NUFIP1: variants seen among roughly 807,000 people sequenced by gnomAD.
NUFIP1 encodes FMR1-interacting protein NUFIP1.
NUFIP1 carries 38 observed loss-of-function variants against 56.2 expected under a neutral mutation model. The observed-to-expected ratio is 0.68, with a 90% CI of 0.52 to 0.89. The LOEUF (loss-of-function observed/expected upper bound fraction) is 0.89. NUFIP1 is among the 40% of genes least tolerant of loss of function. The probability of loss-of-function intolerance (pLI) is 0.00; values close to 1 mark genes in which losing one functional copy is unlikely to be tolerated. For missense variants in NUFIP1, 567 were observed against 605.8 expected, an observed-to-expected ratio of 0.94 and a Z score of 0.67; for synonymous variants, 215 against 212.4, an observed-to-expected ratio of 1.01 and a Z score of -0.10.
chr13:44,956,882 G>C (rs1871264881), intron 7 of NUFIP1, among the ~76,000 whole-genome samples: 1 of 152,028 alleles, frequency 6.6e-6, no homozygotes, highest in East Asian at 1.9e-4. Flanking sequence ...AAGAACCCCT[G>C]GTCTAAAACA....
At position 44,989,428 on chromosome 13, in the gene NUFIP1, C is replaced by T; in HGVS notation, c.9G>A (p.Glu3=). Residue 3 remains glutamate (E), a synonymous_variant, in exon 1 of 10, where the codon GAG becomes GAA. Transcript: ENST00000379161. ...TAGGAGTCTCGAAATCACTAGTCGG[C>T]TCAGCCATACCACTGGCGGGTCCGG... MA[E]PTSDFETPIG... The T allele has an allele frequency of 6.2e-7, 1 of 1,613,420 alleles. No homozygotes were observed. The highest frequency in any genetic ancestry group is 8.5e-7 in the Non-Finnish European group (1 of 1,179,774).
chr13:44,989,211 C>A lies in NUFIP1; in HGVS notation c.226G>T (p.Gly76Trp), dbSNP rs773787265. The A allele has an allele frequency of 4.3e-6, 7 of 1,611,064 alleles. No homozygotes were observed. Among genetic ancestry groups the A allele is most frequent in the Non-Finnish European group, 5.9e-6 (7 of 1,178,754 alleles). ...QPPMEAQSLP[G>W]APPPFDAQIL... ...TGGGCGTCGAAGGGGGGCGGAGCCC[C>A]GGGGAGAGACTGGGCCTCCATGGGG... The change falls in exon 1 of 10, where the codon GGG becomes TGG. Residue 76 changes from glycine to tryptophan, a missense_variant. Physicochemically the swap from Gly to Trp is radical, Grantham distance 184. Coordinates refer to ENST00000379161, the MANE Select transcript of NUFIP1 (RefSeq NM_012345.3).
At chr13:44,971,228 C>T (rs1346235693) in intron 5 of NUFIP1, among the ~76,000 whole-genome samples, 2 of 152,188 alleles carry the variant, frequency 1.3e-5, no homozygotes, top group Admixed American at 6.5e-5. Flanking sequence ...AGCAACATCA[C>T]AGGTATAAAT....
chr13:44,976,473 TAAC>T lies in NUFIP1; in HGVS notation c.734+2714_734+2716del, dbSNP rs147233478. Among the ~76,000 whole-genome samples, 978 of 150,348 alleles carry T rather than the reference TAAC, an allele frequency of 6.5e-3. 29 individuals carry two copies. In the East Asian group the frequency reaches 0.071, roughly 11 times the overall value. ...GGAAGAGGAAGAAGAAAAAGAAGAA[TAAC>T]AACAACAAGAGGAGGAGGAAGAAGA... On this transcript the variant is annotated intron_variant, in intron 5 of 9. Coordinates refer to ENST00000379161, the MANE Select transcript of NUFIP1 (RefSeq NM_012345.3).
chr13:44,943,367 CACACACACA>C, intron 9 of NUFIP1, 66 bp downstream of exon 9: 1 of 1,254,566 alleles, frequency 8.0e-7, no homozygotes, highest in Non-Finnish European at 1.1e-6. Flanking sequence ...CACACACACA[CACACACACA>C]CCCCAGTGGC....
intron 9 of NUFIP1, among the ~76,000 whole-genome samples, chr13:44,943,070 G>A (rs921260168): frequency 6.6e-6 from 1 of 151,098 alleles, no homozygotes; most frequent in African/African-American, 2.4e-5. Flanking sequence ...TTTCCTTTTT[G>A]TTACTGTATG....
chr13:44,951,448 T>C (rs148270539), intron 7 of NUFIP1, among the ~76,000 whole-genome samples: 57 of 152,340 alleles, frequency 3.7e-4, no homozygotes, highest in African/African-American at 1.3e-3. Context: ...ATTTAAAGCC[T>C]GGCTATCTGA....
chr13:44,988,626 C>G (rs1383149534), intron 1 of NUFIP1, among the ~76,000 whole-genome samples: 1 of 152,182 alleles, frequency 6.6e-6, no homozygotes, highest in Non-Finnish European at 1.5e-5. Flanking sequence ...GTTCTGCTCA[C>G]TGCTATATAC....
intron 5 of NUFIP1, among the ~76,000 whole-genome samples, chr13:44,971,991 A>G (rs916441583): frequency 2.0e-5 from 3 of 152,144 alleles, no homozygotes; most frequent in Non-Finnish European, 2.9e-5. Flanking sequence ...TTCCTAGAGC[A>G]TGACTAGCTA....
chr13:44,974,233 T>C (rs1468635170), intron 5 of NUFIP1, among the ~76,000 whole-genome samples: 1 of 152,130 alleles, frequency 6.6e-6, no homozygotes, highest in East Asian at 1.9e-4. Context: ...AATTGTGTGG[T>C]TTTCTTGAAC....
At chr13:44,972,860 T>C (rs189927490) in intron 5 of NUFIP1, among the ~76,000 whole-genome samples, 2 of 152,342 alleles carry the variant, frequency 1.3e-5, no homozygotes, top group East Asian at 3.9e-4. Flanking sequence ...AAGTTACTAG[T>C]GTTTGTTTTG....
At position 44,976,062 on chromosome 13, in the gene NUFIP1, A is replaced by G. The variant is rs550455466; in HGVS notation, c.734+3128T>C. On this transcript the variant is annotated intron_variant, in intron 5 of 9. Coordinates refer to ENST00000379161, the MANE Select transcript of NUFIP1 (RefSeq NM_012345.3). Reference sequence around the variant, plus strand: ...CCCTCAAGAGAATTAAACATTTATAAAAGGGACTGACACCAATAAGTTGAA... The same window carrying G: ...CCCTCAAGAGAATTAAACATTTATAGAAGGGACTGACACCAATAAGTTGAA... 1.4e-4 allele frequency among the ~76,000 whole-genome samples: 22 copies of G among 152,288 alleles called. No homozygotes were observed. In the South Asian group the frequency reaches 4.6e-3, roughly 32 times the overall value.
At chr13:44,988,030 CCT>C (rs1464687933) in intron 1 of NUFIP1, among the ~76,000 whole-genome samples, 1 of 152,210 alleles carries the variant, frequency 6.6e-6, no homozygotes, top group Non-Finnish European at 1.5e-5. Flanking sequence ...TGCCCGTACC[CCT>C]ATTCTCCCAG....
rs556805727 is a variant in NUFIP1, at chr13:44,976,442, A to G, written c.734+2748T>C. Among the ~76,000 whole-genome samples, 4 of 151,526 alleles carry G rather than the reference A, an allele frequency of 2.6e-5. No individual in the cohort carries two copies. The South Asian group carries it at 8.3e-4, about 32-fold the overall frequency. On this transcript the variant is annotated intron_variant, in intron 5 of 9. Transcript: ENST00000379161. ...GAGAAGAGGAGGAGGAGGAAGAGGA[A>G]GAGGAGGAAGAGGAAGAAGAAAAAG...
chr13:44,976,335 AAGG>A (rs1333336985), intron 5 of NUFIP1, among the ~76,000 whole-genome samples: 2 of 151,664 alleles, frequency 1.3e-5, no homozygotes, highest in South Asian at 2.1e-4. Context: ...AGAAAGGAGG[AAGG>A]AGAAGAAGAA....
chr13:44,976,340 GAAGAAGA>G (rs1440762604), intron 5 of NUFIP1, among the ~76,000 whole-genome samples: 1 of 151,482 alleles, frequency 6.6e-6, no homozygotes, highest in Admixed American at 6.6e-5. Flanking sequence ...GGAGGAAGGA[GAAGAAGA>G]AAGGAGAAAG....
chr13:44,983,958 A>G (rs975272949), intron 1 of NUFIP1, among the ~76,000 whole-genome samples: 2 of 152,196 alleles, frequency 1.3e-5, no homozygotes, highest in Non-Finnish European at 2.9e-5. Flanking sequence ...TGTTCATTAT[A>G]TATTACCCAA....
intron 1 of NUFIP1, among the ~76,000 whole-genome samples, chr13:44,986,548 C>T (rs1236803203): frequency 1.3e-5 from 2 of 151,838 alleles, no homozygotes; most frequent in African/African-American, 2.4e-5. Context: ...AAAAATCAGC[C>T]GGGCGTGGTG....
chr13:44,969,755 T>C (rs1458247819), intron 5 of NUFIP1, among the ~76,000 whole-genome samples: 2 of 152,174 alleles, frequency 1.3e-5, no homozygotes, highest in Admixed American at 6.5e-5. Flanking sequence ...GTCCTAACCA[T>C]TATCTTAGCA....
Sources: gnomAD v4.1 joint callset for allele counts (sites outside exome capture counted in the v4.1 genomes callset) on GRCh38, gnomAD v4.1.1 for gene constraint, MANE v1.5 for transcripts, NCBI Gene and HGNC (gene_info 2026-07-23, HGNC 2026-07-21) for gene names.